The following CDKL5 variants were observed in gnomAD, a reference collection of about 807,000 sequenced individuals.
The protein encoded by CDKL5 is cyclin-dependent kinase-like 5.
Under a neutral mutation model 61.7 loss-of-function variants are expected in CDKL5, and 8 were observed. The observed-to-expected ratio is 0.13, with a 90% CI of 0.08 to 0.23. The LOEUF (loss-of-function observed/expected upper bound fraction) is 0.23. Among genes scored for constraint, CDKL5 ranks in the 10% least tolerant of loss-of-function variants. The probability of loss-of-function intolerance (pLI) is 1.00; values close to 1 mark genes in which losing one functional copy is unlikely to be tolerated. For missense variants in CDKL5, 440 were observed against 734.5 expected (o/e 0.60, Z 4.63); for synonymous variants, 275 against 272.3 (o/e 1.01, Z -0.10).
intron 1 of CDKL5, among the ~76,000 whole-genome samples, chrX:18,451,937 T>C (rs756036833): frequency 5.7e-4 from 64 of 112,416 alleles, no homozygotes; most frequent in African/African-American, 2.0e-3. Context: ...CACTGTTTTA[T>C]ACATAATAAA....
chrX:18,468,292 T>A (rs966303215), intron 1 of CDKL5, among the ~76,000 whole-genome samples: 4 of 112,552 alleles, frequency 3.6e-5, no homozygotes, highest in Non-Finnish European at 7.5e-5. Context: ...GCGGATACTG[T>A]AAGTACAATT....
At chrX:18,521,151 C>A (rs780382114) in intron 3 of CDKL5, among the ~76,000 whole-genome samples, 1 of 112,145 alleles carries the variant, frequency 8.9e-6, no homozygotes, top group Non-Finnish European at 1.9e-5. Flanking sequence ...TCTTTTCATG[C>A]GCTTTTGGTC....
In CDKL5 at chrX:18,647,063, C is replaced by T. The variant is rs757310362; in HGVS notation, c.2797+973C>T. Reference sequence around the variant, plus strand: ...TCCTGAGTAGCTGGGATTACAGGCACGTGCCACCACGCCAGTTAATTTTTT... The same window carrying T: ...TCCTGAGTAGCTGGGATTACAGGCATGTGCCACCACGCCAGTTAATTTTTT... On this transcript the variant is annotated intron_variant, in intron 20 of 21. Transcript: ENST00000379989. 9.5e-5 allele frequency: 70 copies of T among 739,006 alleles called. 1 individual carries two copies. The highest frequency in any genetic ancestry group is 8.4e-4 in the South Asian group (36 of 42,939). 60.9% of individuals were successfully genotyped at this position (739,006 alleles called of 1,213,427 possible). A position where few individuals can be genotyped will look rare whatever the true frequency, so the allele number is the denominator to read the frequency against.
At chrX:18,518,774 G>T (rs1404121407) in intron 3 of CDKL5, among the ~76,000 whole-genome samples, 1 of 108,508 alleles carries the variant, frequency 9.2e-6, no homozygotes. Context: ...GATGGTAGTT[G>T]ACATGATAGT....
rs1476185927 is a variant in CDKL5 at position 18,512,056 on chromosome X, C to T, written c.99+1202C>T. On this transcript the variant is annotated intron_variant, in intron 3 of 17. Coordinates refer to ENST00000623535, the MANE Select transcript of CDKL5 (RefSeq NM_001323289.2). ...GAAATTATTTTACTATGGTAATAAT[C>T]ACAAATTATTCAGAGAAGTTATTTG... 3.6e-5 allele frequency among the ~76,000 whole-genome samples: 4 copies of T among 111,605 alleles called. No homozygotes were observed. In the Admixed American group the frequency reaches 3.8e-4, roughly 11 times the overall value.
chrX:18,514,200 A>G (rs1164913799), intron 3 of CDKL5, among the ~76,000 whole-genome samples: 1 of 111,643 alleles, frequency 9.0e-6, no homozygotes, highest in Non-Finnish European at 1.9e-5. Flanking sequence ...CAGACCAAAG[A>G]TCATACTTCC....
chrX:18,639,001 C>T lies in CDKL5; in HGVS notation c.*10244C>T, dbSNP rs777667985. On this transcript the variant is annotated 3_prime_UTR_variant, in exon 18 of 18. Coordinates refer to ENST00000623535, the MANE Select transcript of CDKL5 (RefSeq NM_001323289.2). ...TGGATATCCACATGCAAAAGAATGACGTTGGACTCCTATTTCACACCATAT... is the reference window on the plus strand; with the variant it reads ...TGGATATCCACATGCAAAAGAATGATGTTGGACTCCTATTTCACACCATAT... Among the ~76,000 whole-genome samples, 62 of 111,705 alleles carry T rather than the reference C, an allele frequency of 5.6e-4. No homozygotes were observed. Among genetic ancestry groups the T allele is most frequent in the African/African-American group, 1.9e-3 (57 of 30,777 alleles).
chrX:18,468,101 A>G (rs952921117), intron 1 of CDKL5, among the ~76,000 whole-genome samples: 1 of 111,683 alleles, frequency 9.0e-6, no homozygotes, highest in Non-Finnish European at 1.9e-5. Flanking sequence ...TTAGAGAAAA[A>G]TCTTATTCTA....
intron 1 of CDKL5, among the ~76,000 whole-genome samples, chrX:18,466,787 A>G: frequency 8.9e-6 from 1 of 111,908 alleles, no homozygotes; most frequent in Non-Finnish European, 1.9e-5. Flanking sequence ...TGCTGGGATT[A>G]CAGGTGTGAG....
intron 3 of CDKL5, among the ~76,000 whole-genome samples, chrX:18,528,990 G>T (rs1488528929): frequency 1.8e-5 from 2 of 110,158 alleles, no homozygotes; most frequent in Admixed American, 1.9e-4. Context: ...TTTAACTGGT[G>T]TATTGAGGCC....
Position 18,609,486 on chromosome X carries a change from C to T in CDKL5, c.2068C>T (p.His690Tyr). 8.3e-7 allele frequency: 1 copy of T among 1,211,988 alleles called. No homozygotes were observed. Among genetic ancestry groups the T allele is most frequent in the Non-Finnish European group, 1.1e-6 (1 of 895,595 alleles). ...KSEGGVYHDP[H>Y]SDDGTAPKEN... ...TCAGGGTGGAGTGTATCATGACCCA[C>T]ACTCTGATGATGGCACAGCCCCCAA... Residue 690 changes from histidine to tyrosine, a missense_variant, in exon 14 of 18, where the codon CAC becomes TAC. By Grantham distance (83) the His-to-Tyr change is moderately conservative. This residue lies in a region of CDKL5 where 363 missense variants were observed against 516.3 expected (regional missense o/e 0.70). Coordinates refer to ENST00000623535, the MANE Select transcript of CDKL5 (RefSeq NM_001323289.2).
At chrX:18,566,194 C>T (rs1307451034) in intron 4 of CDKL5, among the ~76,000 whole-genome samples, 1 of 111,988 alleles carries the variant, frequency 8.9e-6, no homozygotes, top group Non-Finnish European at 1.9e-5. Flanking sequence ...CACTGTCACC[C>T]AGGCTGGAGT....
At chrX:18,554,886 T>C (rs936598969) in intron 3 of CDKL5, among the ~76,000 whole-genome samples, 1 of 111,645 alleles carries the variant, frequency 9.0e-6, no homozygotes, top group African/African-American at 3.3e-5. Flanking sequence ...TCATAGCATA[T>C]TAATCTTTTC....
Position 18,631,053 on chromosome X carries a change from CCATGCTGTGG to C in CDKL5, c.*2300_*2309del. ...GCTTAGGAACTGCACGGTCCCGTTG[CCATGCTGTGG>C]CATTCGAGGCTCGTCACCTAGGGGC... On this transcript the variant is annotated 3_prime_UTR_variant, in exon 18 of 18. Transcript: ENST00000623535. The C allele has an allele frequency of 2.7e-6, 2 of 752,806 alleles. No individual in the cohort carries two copies. Among genetic ancestry groups the C allele is most frequent in the Non-Finnish European group, 3.1e-6 (2 of 639,094 alleles). The allele number at this position is 752,806 out of a possible 1,213,427, so 62.0% of individuals were successfully genotyped here. A position where few individuals can be genotyped will look rare whatever the true frequency, so the allele number is the denominator to read the frequency against.
At chrX:18,541,519 T>G (rs1409976846) in intron 3 of CDKL5, among the ~76,000 whole-genome samples, 2 of 111,917 alleles carry the variant, frequency 1.8e-5, no homozygotes, top group Non-Finnish European at 3.8e-5. Flanking sequence ...ATAAGGTTTT[T>G]TTGTTGTTGT....
At chrX:18,607,895 C>T (rs940852082) in intron 12 of CDKL5, among the ~76,000 whole-genome samples, 6 of 111,720 alleles carry the variant, frequency 5.4e-5, no homozygotes, top group African/African-American at 2.0e-4. Flanking sequence ...CCAGAATCCT[C>T]AGAGTACATT....
At chrX:18,537,261 T>G (rs1923873860) in intron 3 of CDKL5, among the ~76,000 whole-genome samples, 1 of 112,027 alleles carries the variant, frequency 8.9e-6, no homozygotes, top group Non-Finnish European at 1.9e-5. Context: ...TCCTGAAACT[T>G]TTGAATCAGA....
chrX:18,537,848 T>C (rs1380800669), intron 3 of CDKL5, among the ~76,000 whole-genome samples: 1 of 112,401 alleles, frequency 8.9e-6, no homozygotes, highest in East Asian at 2.8e-4. Flanking sequence ...TTTGCTCTTT[T>C]TTATTGCTCT....
At chrX:18,578,778 A>G (rs1410317633) in intron 5 of CDKL5, among the ~76,000 whole-genome samples, 1 of 112,023 alleles carries the variant, frequency 8.9e-6, no homozygotes. Context: ...GCAGTCTGCC[A>G]TTTTATCATG....
Sources: allele counts gnomAD v4.1 joint callset (sites outside exome capture counted in the v4.1 genomes callset), GRCh38; gene constraint gnomAD v4.1.1; regional missense constraint gnomAD v4.1.1; transcripts MANE v1.5; gene names NCBI Gene and HGNC (gene_info 2026-07-23, HGNC 2026-07-21).